SHQ1: variants seen among roughly 807,000 people sequenced by gnomAD.
SHQ1 encodes SHQ1, H/ACA ribonucleoprotein assembly factor, also known as protein SHQ1 homolog.
A neutral mutation model predicts 53.8 loss-of-function variants in SHQ1; 49 were observed. The ratio of observed to expected loss-of-function variants is 0.91; its 90% confidence interval spans 0.72 to 1.16. SHQ1 has a LOEUF of 1.16. SHQ1 is among the 50% of genes most tolerant of loss of function. SHQ1 has a pLI of 0.00. For missense variants in SHQ1, 738 were observed against 683.1 expected (o/e 1.08, Z -0.90); for synonymous variants, 243 against 251.0 (o/e 0.97, Z 0.30).
chr3:72,838,128 A>G (rs961083082), intron 4 of SHQ1, among the ~76,000 whole-genome samples: 29 of 152,258 alleles, frequency 1.9e-4, no homozygotes, highest in African/African-American at 7.0e-4. Flanking sequence ...GCCCATATCC[A>G]AACACTACTT....
At chr3:72,758,208 C>G (rs58474655) in intron 10 of SHQ1, among the ~76,000 whole-genome samples, 59 of 152,314 alleles carry the variant, frequency 3.9e-4, no homozygotes, top group African/African-American at 1.3e-3. Context: ...GAAGCTGTCT[C>G]TTCTTATTCT....
chr3:72,796,928 TAAAA>T (rs60237295), intron 9 of SHQ1, among the ~76,000 whole-genome samples: 2 of 119,884 alleles, frequency 1.7e-5, no homozygotes, highest in African/African-American at 6.2e-5. Context: ...CCTATTTTCT[TAAAA>T]AAAAAAAAAA....
intron 10 of SHQ1, among the ~76,000 whole-genome samples, chr3:72,765,113 C>T (rs1287156540): frequency 1.3e-5 from 2 of 152,196 alleles, no homozygotes; most frequent in African/African-American, 4.8e-5. Context: ...TCCTTAGCCC[C>T]CCTTCTAGGT....
intron 10 of SHQ1, among the ~76,000 whole-genome samples, chr3:72,758,251 T>C (rs964796835): frequency 6.6e-6 from 1 of 152,144 alleles, no homozygotes; most frequent in African/African-American, 2.4e-5. Context: ...GCGCAGCCAT[T>C]AACAAAAACA....
chr3:72,791,990 TTTGA>T (rs1173071441), intron 10 of SHQ1, among the ~76,000 whole-genome samples: 1 of 152,294 alleles, frequency 6.6e-6, no homozygotes, highest in Non-Finnish European at 1.5e-5. Context: ...ACTATGTTTC[TTTGA>T]TTGACGCAAT....
At chr3:72,800,471 C>A (rs1222937939) in intron 9 of SHQ1, among the ~76,000 whole-genome samples, 1 of 152,188 alleles carries the variant, frequency 6.6e-6, no homozygotes, top group East Asian at 1.9e-4. Flanking sequence ...AAGATCACAG[C>A]TAGGAAGCAA....
intron 9 of SHQ1, among the ~76,000 whole-genome samples, chr3:72,804,453 A>G (rs751155543): frequency 6.8e-6 from 1 of 147,024 alleles, no homozygotes; most frequent in Non-Finnish European, 1.5e-5. Flanking sequence ...AAAGGCCCCA[A>G]TGGGTGTTGT....
chr3:72,798,586 T>C (rs1706696496), intron 9 of SHQ1, among the ~76,000 whole-genome samples: 1 of 152,240 alleles, frequency 6.6e-6, no homozygotes. Flanking sequence ...CAATGTGATT[T>C]CCTGTCTGGA....
At chr3:72,773,048 TG>T (rs1369534097) in intron 10 of SHQ1, 17 of 928,514 alleles carry the variant, frequency 1.8e-5, no homozygotes, top group Non-Finnish European at 2.6e-5. Flanking sequence ...AAAGAAGAAA[TG>T]ACTGAGTCCA....
At chr3:72,825,800 T>C (rs577671273) in intron 5 of SHQ1, among the ~76,000 whole-genome samples, 11 of 152,224 alleles carry the variant, frequency 7.2e-5, no homozygotes, top group Non-Finnish European at 1.5e-4. Context: ...ACTATAATCT[T>C]ATATCAGTTT....
rs1031903900 is a variant in SHQ1, at chr3:72,797,024, G to A, written c.1061-3988C>T. Among the ~76,000 whole-genome samples the A allele has an allele frequency of 9.3e-5, 14 of 151,344 alleles. No individual in the cohort carries two copies. The East Asian group carries it at 9.8e-4, about 11-fold the overall frequency. ...TGTAATCCCAGCACTCTGGGAGGCC[G>A]AGGCGGGCAGATCACCTGAAGTCAG... On this transcript the variant is annotated intron_variant, in intron 9 of 10. Transcript: ENST00000325599.
At chr3:72,830,071 T>C (rs571602817) in intron 5 of SHQ1, among the ~76,000 whole-genome samples, 2 of 150,834 alleles carry the variant, frequency 1.3e-5, no homozygotes, top group South Asian at 4.2e-4. Flanking sequence ...TTATGGATCA[T>C]CTGTTACATG....
At chr3:72,751,527 TATACATATAC>T (rs1173819634) in intron 10 of SHQ1, among the ~76,000 whole-genome samples, 1 of 138,642 alleles carries the variant, frequency 7.2e-6, no homozygotes, top group African/African-American at 3.0e-5. Flanking sequence ...TATATATATA[TATACATATAC>T]ATACACTAAT....
chr3:72,778,848 T>C (rs1209431252), intron 10 of SHQ1, among the ~76,000 whole-genome samples: 1 of 152,202 alleles, frequency 6.6e-6, no homozygotes, highest in Non-Finnish European at 1.5e-5. Flanking sequence ...AGATTCCTTT[T>C]CCAAAATTAG....
chr3:72,789,446 G>A (rs1706368002), intron 10 of SHQ1, among the ~76,000 whole-genome samples: 1 of 152,110 alleles, frequency 6.6e-6, no homozygotes, highest in South Asian at 2.1e-4. Flanking sequence ...AAGCCAAAGG[G>A]TTGGATACCA....
At chr3:72,786,631 T>TA (rs1706240836) in intron 10 of SHQ1, among the ~76,000 whole-genome samples, 1 of 152,210 alleles carries the variant, frequency 6.6e-6, no homozygotes, top group African/African-American at 2.4e-5. Flanking sequence ...TGTGTCCTCT[T>TA]AGATGCTTCC....
the SHQ1 span, among the ~76,000 whole-genome samples, chr3:72,740,783 C>A: frequency 1.3e-5 from 2 of 152,118 alleles, no homozygotes; most frequent in Admixed American, 6.5e-5. Context: ...CATCCTTTTA[C>A]GCCCAGCCAC....
intron 10 of SHQ1, among the ~76,000 whole-genome samples, chr3:72,767,713 AC>A (rs765516910): frequency 6.6e-6 from 1 of 152,216 alleles, no homozygotes; most frequent in African/African-American, 2.4e-5. Flanking sequence ...ATTACTATCT[AC>A]AAAAATTACT....
chr3:72,733,261 C>T, the SHQ1 span, among the ~76,000 whole-genome samples: 2 of 151,560 alleles, frequency 1.3e-5, no homozygotes, highest in Admixed American at 6.6e-5. Flanking sequence ...AAGCTTTGTT[C>T]CTGGATCCCT....
Sources: allele counts gnomAD v4.1 joint callset (sites outside exome capture counted in the v4.1 genomes callset), GRCh38; gene constraint gnomAD v4.1.1; transcripts MANE v1.5; gene names NCBI Gene and HGNC (gene_info 2026-07-23, HGNC 2026-07-21).